The following CLC variants were observed in gnomAD, a reference collection of about 807,000 sequenced individuals.
The protein encoded by CLC is Charcot-Leyden crystal galectin.
Under a neutral mutation model 13.9 loss-of-function variants are expected in CLC, and 15 were observed. That is an observed-to-expected ratio of 1.08 (90% CI 0.72 to 1.66). The LOEUF is 1.66. CLC is among the 40% of genes most tolerant of loss of function. The pLI is 0.00. For missense variants in CLC, 161 were observed against 169.1 expected (o/e 0.95, Z 0.27); for synonymous variants, 68 against 59.9 (o/e 1.14, Z -0.63).
At chr19:39,734,956 C>T (rs778071625) in intron 2 of CLC, 41 bp downstream of exon 2, 1 of 1,442,018 alleles carries the variant, frequency 6.9e-7, no homozygotes, top group Non-Finnish European at 9.8e-7. Context: ...AAATATTCTT[C>T]CTCTTCTCCA....
intron 3 of CLC, 164 bp downstream of exon 3, chr19:39,734,119 T>C: frequency 1.0e-6 from 1 of 969,058 alleles, no homozygotes; most frequent in Non-Finnish European, 1.2e-6. Context: ...ATAAAAAGCC[T>C]GGGACAGGGG....
At chr19:39,733,058 T>C (rs1048741404) in intron 3 of CLC, among the ~76,000 whole-genome samples, 1 of 136,234 alleles carries the variant, frequency 7.3e-6, no homozygotes, top group Non-Finnish European at 1.6e-5. Flanking sequence ...GAATCTACAA[T>C]GAACTCAAAC....
intron 1 of CLC, among the ~76,000 whole-genome samples, chr19:39,735,608 C>T (rs1967296699): frequency 6.6e-6 from 1 of 152,208 alleles, no homozygotes; most frequent in South Asian, 2.1e-4. Context: ...AGCCACTTTG[C>T]CCAACCAGCA....
chr19:39,736,392 T>C (rs1967310226), intron 1 of CLC, among the ~76,000 whole-genome samples: 1 of 152,120 alleles, frequency 6.6e-6, no homozygotes, highest in African/African-American at 2.4e-5. Flanking sequence ...TCAGGGAAGT[T>C]ATTGGCTAGA....
At chr19:39,734,253 C>G (rs1487327482) in intron 3 of CLC, 30 bp downstream of exon 3, 1 of 1,603,174 alleles carries the variant, frequency 6.2e-7, no homozygotes, top group Non-Finnish European at 8.5e-7. Flanking sequence ...CCCATGGAAG[C>G]CGGGTGCGGG....
chr19:39,732,854 C>T (rs1425914929), intron 3 of CLC, among the ~76,000 whole-genome samples: 1 of 147,466 alleles, frequency 6.8e-6, no homozygotes, highest in Non-Finnish European at 1.5e-5. Context: ...CCATTCAGGA[C>T]ATAGGCCTGG....
At chr19:39,734,966 A>G in intron 2 of CLC, 31 bp downstream of exon 2, 1 of 1,497,168 alleles carries the variant, frequency 6.7e-7, no homozygotes, top group African/African-American at 1.4e-5. Flanking sequence ...CCTCTTCTCC[A>G]CCTCCCATCT....
chr19:39,736,633 G>C (rs910447356), intron 1 of CLC, among the ~76,000 whole-genome samples: 3 of 152,116 alleles, frequency 2.0e-5, no homozygotes, highest in African/African-American at 7.2e-5. Context: ...AAATTAGCCA[G>C]GAGTGGTGGC....
At chr19:39,733,782 G>C (rs202075343) in intron 3 of CLC, 1 of 188,758 alleles carries the variant, frequency 5.3e-6, no homozygotes, top group South Asian at 2.0e-4. Context: ...GATAGACTAT[G>C]GAAGAAGAGT....
Position 39,734,501 on chromosome 19 carries a change from C to T in CLC, c.93-8G>A. 2 of 1,610,998 alleles carry T rather than the reference C, an allele frequency of 1.2e-6. No homozygotes were observed. The highest frequency in any genetic ancestry group is 1.7e-6 in the Non-Finnish European group (2 of 1,177,220). On this transcript the variant is annotated splice_region_variant and splice_polypyrimidine_tract_variant and intron_variant, in intron 2 of 3. Coordinates refer to ENST00000221804, the MANE Select transcript of CLC (RefSeq NM_001828.6). ...TGCAGATATGGTTCATTCCTGAGGG[C>T]AGAGCACACAGTGTTGAGCAGGTCC...
chr19:39,734,430 G>A lies in CLC; in HGVS notation c.156C>T (p.Phe52=), dbSNP rs749603315. Residue 52 remains phenylalanine (F), a synonymous_variant, in exon 3 of 4, where the codon TTC becomes TTT. Coordinates refer to ENST00000221804, the MANE Select transcript of CLC (RefSeq NM_001828.6). ...GACGACCAAAGCACACTTGGAAATG[G>A]AAGACAATGTCTGATTCCTCCTTCA... ...TEMKEESDIV[F]HFQVCFGRRV... is the part of the protein sequence containing the mutation. The A allele has an allele frequency of 1.1e-5, 17 of 1,614,030 alleles. No individual in the cohort carries two copies. In the South Asian group the frequency reaches 1.9e-4, roughly 18 times the overall value.
intron 1 of CLC, among the ~76,000 whole-genome samples, chr19:39,737,606 C>G (rs1387342861): frequency 6.6e-6 from 1 of 152,058 alleles, no homozygotes; most frequent in Admixed American, 6.6e-5. Context: ...AGACAAAACA[C>G]AGTCACCTGA....
chr19:39,731,431 C>T lies in CLC; in HGVS notation c.378G>A (p.Val126=), dbSNP rs1295235604. 6.2e-7 allele frequency: 1 copy of T among 1,613,818 alleles called. No individual in the cohort carries two copies. The highest frequency in any genetic ancestry group is 1.3e-5 in the African/African-American group (1 of 75,044). The change falls in exon 4 of 4, where the codon GTG becomes GTA. Residue 126 remains valine (V), a synonymous_variant. Coordinates refer to ENST00000221804, the MANE Select transcript of CLC (RefSeq NM_001828.6). ...ATTTGGTCAGGGAGATATCTCTCCA[C>T]ACTTGCACCATCTTCACAGCCTCAG... ...IKPEAVKMVQ[V]WRDISLTKFN...
intron 1 of CLC, among the ~76,000 whole-genome samples, chr19:39,736,568 A>G (rs956766075): frequency 5.9e-5 from 9 of 152,052 alleles, no homozygotes; most frequent in Non-Finnish European, 1.0e-4. Flanking sequence ...TGAGGTCAGG[A>G]GTTCGAGACC....
At position 39,734,266 on chromosome 19, in the gene CLC, G is replaced by A. The variant is rs768721064; in HGVS notation, c.303+17C>T. Reference sequence around the variant, plus strand: ...ATCCCATGGAAGCCGGGTGCGGGGAGCTCCTGGGGTGCTCACCTGGTACTT... The same window carrying A: ...ATCCCATGGAAGCCGGGTGCGGGGAACTCCTGGGGTGCTCACCTGGTACTT... On this transcript the variant is annotated intron_variant, in intron 3 of 3. Transcript: ENST00000221804. 3.1e-6 allele frequency: 5 copies of A among 1,610,910 alleles called. No homozygotes were observed. Among genetic ancestry groups the A allele is most frequent in the Admixed American group, 3.3e-5 (2 of 59,992 alleles).
In CLC at chr19:39,734,384, C is replaced by T. The variant is rs1967276202; in HGVS notation, c.202G>A (p.Glu68Lys). The T allele has an allele frequency of 6.2e-7, 1 of 1,614,104 alleles. No individual in the cohort carries two copies. The highest frequency in any genetic ancestry group is 1.3e-5 in the African/African-American group (1 of 75,040). ...ACCTGCTGCTTCCAGGCCCCATACT[C>T]ACGGCTGTTCATGACCACACGACGA... is the stretch of plus-strand genomic sequence containing the variant. ...FGRRVVMNSREYGAWKQQVES... is the reference protein window; with the variant it reads ...FGRRVVMNSRKYGAWKQQVES... The change falls in exon 3 of 4, where the codon GAG (glutamate) becomes AAG (lysine). Residue 68 changes from glutamate (E) to lysine (K), a missense_variant. By Grantham distance (56) the Glu-to-Lys change is moderately conservative. Coordinates refer to ENST00000221804, the MANE Select transcript of CLC (RefSeq NM_001828.6).
chr19:39,732,134 G>T (rs1967236074), intron 3 of CLC, among the ~76,000 whole-genome samples: 1 of 139,992 alleles, frequency 7.1e-6, no homozygotes, highest in Non-Finnish European at 1.5e-5. Flanking sequence ...ACATTGTGCA[G>T]GTTAGTTACA....
intron 1 of CLC, among the ~76,000 whole-genome samples, chr19:39,737,574 C>T (rs762514698): frequency 6.6e-5 from 10 of 152,112 alleles, no homozygotes; most frequent in African/African-American, 9.7e-5. Context: ...TGCTCACACA[C>T]ACACTCACAT....
At chr19:39,731,586 C>A (rs1196091126) in intron 3 of CLC, 81 bp from the exon 4 acceptor site, 1 of 1,434,286 alleles carries the variant, frequency 7.0e-7, no homozygotes, top group Non-Finnish European at 9.4e-7. Context: ...TGTCATAGTA[C>A]CTGAAACATC....
Sources: gnomAD v4.1 joint callset for allele counts (sites outside exome capture counted in the v4.1 genomes callset) on GRCh38, gnomAD v4.1.1 for gene constraint, MANE v1.5 for transcripts, NCBI Gene and HGNC (gene_info 2026-07-23, HGNC 2026-07-21) for gene names.